Variants in OTUD4 observed in about 807,000 individuals in gnomAD.
OTUD4 encodes OTU domain-containing protein 4.
A neutral mutation model predicts 130.4 loss-of-function variants in OTUD4; 24 were observed. The observed-to-expected ratio is 0.18, with a 90% confidence interval of 0.13 to 0.26. The LOEUF (loss-of-function observed/expected upper bound fraction) is 0.26, where lower values mean the gene tolerates loss of function less well. OTUD4 is among the 10% of genes least tolerant of loss of function. The pLI, the probability that OTUD4 is intolerant of heterozygous loss-of-function variation, is 1.00. For synonymous variants in OTUD4, 420 were observed against 472.5 expected (o/e 0.89, Z 1.44); for missense variants, 1,031 against 1,329.4 (o/e 0.78, Z 3.49).
chr4:145,149,285 G>A (rs1479836047), intron 13 of OTUD4, among the ~76,000 whole-genome samples: 1 of 152,152 alleles, frequency 6.6e-6, no homozygotes, highest in Non-Finnish European at 1.5e-5. Flanking sequence ...CCAGAAGTAG[G>A]AGGCAAGCAT....
chr4:145,144,432 G>A lies in OTUD4; in HGVS notation c.1425C>T (p.Ser475=), dbSNP rs1159962755. 1 of 1,609,204 alleles carries A rather than the reference G, an allele frequency of 6.2e-7. No individual in the cohort carries two copies. Among genetic ancestry groups the A allele is most frequent in the African/African-American group, 1.3e-5 (1 of 74,668 alleles). ...RDEQAFPALS[S]SSVNQSASQS... is the part of the protein sequence containing the mutation. ...GAGAAGCTGACTGATTGACTGATGAGCTCTTTAAAATGAACAAAACCCAAC... is the reference window on the plus strand; with the variant it reads ...GAGAAGCTGACTGATTGACTGATGAACTCTTTAAAATGAACAAAACCCAAC... The change falls in exon 15 of 21, where the codon AGC becomes AGT. Residue 475 remains serine (S), a splice_region_variant and synonymous_variant. Transcript: ENST00000447906.
At chr4:145,167,980 G>C in intron 3 of OTUD4, among the ~76,000 whole-genome samples, 1 of 151,682 alleles carries the variant, frequency 6.6e-6, no homozygotes, top group East Asian at 1.9e-4. Context: ...GTAAACAATG[G>C]ATATCCTAAA....
intron 10 of OTUD4, 21 bp from the exon 11 acceptor site, chr4:145,152,656 G>T: frequency 4.4e-6 from 6 of 1,362,212 alleles, no homozygotes; most frequent in South Asian, 1.2e-5. Flanking sequence ...TTCCAAAAAT[G>T]AAAAGGAAAA....
rs1259401466 is a variant in OTUD4, at chr4:145,180,131, G to A, written c.-158C>T. On this transcript the variant is annotated 5_prime_UTR_variant, in exon 1 of 21. Transcript: ENST00000447906. ...CGGCGGCGGCCCGAGGCAGCGGTCC[G>A]CGCTCTCCGGGCGCATAGGGAAGCC... 2 of 340,238 alleles carry A rather than the reference G, an allele frequency of 5.9e-6. No homozygotes were observed. Among genetic ancestry groups the A allele is most frequent in the South Asian group, 1.1e-4 (1 of 8,956 alleles). The allele number at this position is 340,238 out of a possible 1,614,324, so 21.1% of individuals were successfully genotyped here. A position where few individuals can be genotyped will look rare whatever the true frequency, so the allele number is the denominator to read the frequency against.
chr4:145,156,014 C>T lies in OTUD4; in HGVS notation c.630-18G>A, dbSNP rs780816301. ...TCTTACTCCTACAAAGAAAGATAAC[C>T]ATAATTGGGGCAGAAAAAGGTATTT... is the stretch of plus-strand genomic sequence containing the variant. On this transcript the variant is annotated intron_variant, in intron 7 of 20. Coordinates refer to ENST00000447906, the MANE Select transcript of OTUD4 (RefSeq NM_001366057.1). The T allele has an allele frequency of 5.0e-6, 8 of 1,601,862 alleles. No homozygotes were observed. Among genetic ancestry groups the T allele is most frequent in the Non-Finnish European group, 6.8e-6 (8 of 1,173,510 alleles).
At position 145,152,722 on chromosome 4, in the gene OTUD4, T is replaced by TC. The variant is rs1365391093; in HGVS notation, c.874-88_874-87insG. 9.5e-6 allele frequency: 7 copies of TC among 735,096 alleles called. No homozygotes were observed. The Admixed American group carries it at 1.1e-4, about 11-fold the overall frequency. The allele number at this position is 735,096 out of a possible 1,614,324, so 45.5% of individuals were successfully genotyped here. ...ACTTATCAGTTTTTTGCGGTTCTTTTTTTTTTTTTCTTGAGACAGGGTCTC... is the reference window on the plus strand; with the variant it reads ...ACTTATCAGTTTTTTGCGGTTCTTTTCTTTTTTTTTCTTGAGACAGGGTCTC... On this transcript the variant is annotated intron_variant, in intron 10 of 20. Transcript: ENST00000447906.
At chr4:145,155,113 T>C (rs1276057664) in intron 10 of OTUD4, among the ~76,000 whole-genome samples, 1 of 152,190 alleles carries the variant, frequency 6.6e-6, no homozygotes, top group Non-Finnish European at 1.5e-5. Context: ...TTAACAAAAA[T>C]ACCTCAATAT....
rs1034393438 is a variant in OTUD4, at chr4:145,142,139, A to C, written c.1822+57T>G. The C allele has an allele frequency of 2.7e-6, 4 of 1,493,220 alleles. No individual in the cohort carries two copies. In the African/African-American group the frequency reaches 4.2e-5, roughly 16 times the overall value. 92.5% of individuals were successfully genotyped at this position (1,493,220 alleles called of 1,614,324 possible). ...GGTCAAACTTCCACTCAAGAATTTGAAGTCTCTGACTAGAAAGGTATTTTG... is the reference window on the plus strand; with the variant it reads ...GGTCAAACTTCCACTCAAGAATTTGCAGTCTCTGACTAGAAAGGTATTTTG... On this transcript the variant is annotated intron_variant, in intron 18 of 20. Coordinates refer to ENST00000447906, the MANE Select transcript of OTUD4 (RefSeq NM_001366057.1).
At chr4:145,155,358 G>T (rs940463329) in intron 10 of OTUD4, 53 bp downstream of exon 10, 3 of 1,477,500 alleles carry the variant, frequency 2.0e-6, no homozygotes, top group African/African-American at 2.8e-5. Flanking sequence ...GTTTGTATTA[G>T]AAAAAGCAAA....
At chr4:145,144,030 G>T (rs767994272) in intron 15 of OTUD4, 29 bp from the exon 16 acceptor site, 3 of 1,555,670 alleles carry the variant, frequency 1.9e-6, no homozygotes, top group Non-Finnish European at 2.7e-6. Context: ...AAAAAAGACA[G>T]CATAAGCCAC....
At chr4:145,173,576 C>T (rs1752281792) in intron 2 of OTUD4, among the ~76,000 whole-genome samples, 1 of 152,166 alleles carries the variant, frequency 6.6e-6, no homozygotes, top group Admixed American at 6.5e-5. Context: ...CCCTTCTCTA[C>T]CACACCTCTG....
chr4:145,168,086 AT>A (rs888625020), intron 3 of OTUD4, among the ~76,000 whole-genome samples: 2 of 152,096 alleles, frequency 1.3e-5, no homozygotes, highest in African/African-American at 4.8e-5. Context: ...CTTAATCAGC[AT>A]TTTTTATGAT....
chr4:145,166,596 C>A (rs922145968), intron 3 of OTUD4, among the ~76,000 whole-genome samples: 1 of 151,918 alleles, frequency 6.6e-6, no homozygotes, highest in Non-Finnish European at 1.5e-5. Flanking sequence ...AATCCCAACA[C>A]TTTGGGAGGC....
In OTUD4 at chr4:145,144,393, T is replaced by C. The variant is rs749182825; in HGVS notation, c.1464A>G (p.Pro488=). 4.4e-5 allele frequency: 71 copies of C among 1,612,398 alleles called. No individual in the cohort carries two copies. Among genetic ancestry groups the C allele is most frequent in the South Asian group, 1.1e-4 (10 of 90,922 alleles). Residue 488 remains proline (P), a synonymous_variant, in exon 15 of 21, where the codon CCA becomes CCG. Coordinates refer to ENST00000447906, the MANE Select transcript of OTUD4 (RefSeq NM_001366057.1). ...VNQSASQSSN[P]CVQRKSSHVG... is the part of the protein sequence containing the mutation. The stretch of plus-strand genomic sequence containing the variant: ...CATGTGATGATTTTCTCTGGACACA[T>C]GGATTGCTACTCTGAGAAGCTGACT...
intron 1 of OTUD4, among the ~76,000 whole-genome samples, chr4:145,177,060 C>G (rs1351517038): frequency 1.3e-5 from 2 of 152,174 alleles, no homozygotes; most frequent in Admixed American, 1.3e-4. Flanking sequence ...AAATAACCAC[C>G]GTAGAATTTT....
intron 18 of OTUD4, 51 bp downstream of exon 18, chr4:145,142,145 C>G: frequency 6.5e-7 from 1 of 1,548,684 alleles, no homozygotes; most frequent in East Asian, 2.2e-5. Flanking sequence ...TTTGAAGTCT[C>G]TGACTAGAAA....
intron 10 of OTUD4, 63 bp downstream of exon 10, chr4:145,155,348 G>T: frequency 7.6e-7 from 1 of 1,309,836 alleles, no homozygotes; most frequent in Non-Finnish European, 1.1e-6. Context: ...TGTTTTCTCT[G>T]TTTGTATTAG....
intron 3 of OTUD4, among the ~76,000 whole-genome samples, chr4:145,167,038 G>A (rs895007638): frequency 6.6e-6 from 1 of 152,104 alleles, no homozygotes; most frequent in Non-Finnish European, 1.5e-5. Flanking sequence ...AAGGGGATGG[G>A]GAGGATACAT....
Position 145,155,695 on chromosome 4 carries a change from A to C in OTUD4, c.691-9T>G. 6.5e-7 allele frequency: 1 copy of C among 1,534,652 alleles called. No individual in the cohort carries two copies. Among genetic ancestry groups the C allele is most frequent in the Non-Finnish European group, 8.9e-7 (1 of 1,120,086 alleles). On this transcript the variant is annotated splice_polypyrimidine_tract_variant and intron_variant, in intron 8 of 20. Transcript: ENST00000447906. ...CCATTGTTCTTCAGCTGCTAAACAA[A>C]GTCAGGAAGTCCAATCAACACATAA...
Sources: gnomAD v4.1 joint callset for allele counts (sites outside exome capture counted in the v4.1 genomes callset) on GRCh38, gnomAD v4.1.1 for gene constraint, MANE v1.5 for transcripts, NCBI Gene and HGNC (gene_info 2026-07-23, HGNC 2026-07-21) for gene names.